Variants in MCTP1 observed in about 807,000 individuals in gnomAD.
MCTP1 encodes the protein multiple C2 and transmembrane domain containing 1, also known as multiple C2 and transmembrane domain-containing protein 1.
Under a neutral mutation model 120.6 loss-of-function variants are expected in MCTP1, and 69 were observed. The observed-to-expected ratio is 0.57, with a 90% CI of 0.47 to 0.70. MCTP1 has a LOEUF of 0.70. MCTP1 is among the 30% of genes least tolerant of loss of function. The pLI, the probability that MCTP1 is intolerant of heterozygous loss-of-function variation, is 0.00. For synonymous variants in MCTP1, 529 were observed against 493.1 expected (o/e 1.07, Z -0.96); for missense variants, 1,203 against 1,248.8 (o/e 0.96, Z 0.55).
Position 95,258,019 on chromosome 5 carries a change from T to C in MCTP1, c.720+25837A>G, listed in dbSNP as rs184315607. 8.5e-4 allele frequency among the ~76,000 whole-genome samples: 130 copies of C among 152,304 alleles called. 1 individual carries two copies. The highest frequency in any genetic ancestry group is 6.8e-3 in the Middle Eastern group (2 of 294). On this transcript the variant is annotated intron_variant, in intron 1 of 22. Transcript: ENST00000515393. ...TAAATAATGGGAGAGAATAGACAAC[T>C]CTGTGCTGAATTCCAAATAATTTAT...
chr5:95,263,316 A>G (rs557065938), intron 1 of MCTP1, among the ~76,000 whole-genome samples: 6 of 152,316 alleles, frequency 3.9e-5, no homozygotes, highest in African/African-American at 1.4e-4. Flanking sequence ...ACCCAGAGCC[A>G]TTCTTCAGCC....
At chr5:95,189,150 T>C (rs1489780065) in intron 1 of MCTP1, among the ~76,000 whole-genome samples, 1 of 152,116 alleles carries the variant, frequency 6.6e-6, no homozygotes, top group Non-Finnish European at 1.5e-5. Context: ...AATGAACAAA[T>C]TGTTCATACA....
At chr5:94,885,315 A>C (rs561980491) in intron 12 of MCTP1, among the ~76,000 whole-genome samples, 180 of 151,658 alleles carry the variant, frequency 1.2e-3, no homozygotes, top group African/African-American at 4.3e-3. Context: ...AAAAAAAAAA[A>C]CAGAGAGAAA....
intron 17 of MCTP1, chr5:94,867,271 A>G (rs753442448): frequency 3.7e-5 from 56 of 1,523,592 alleles, no homozygotes; most frequent in Non-Finnish European, 4.8e-5. Context: ...GGGAGACAAC[A>G]ACACGTCTAT....
At chr5:95,252,184 C>T (rs1323556097) in intron 1 of MCTP1, among the ~76,000 whole-genome samples, 1 of 152,050 alleles carries the variant, frequency 6.6e-6, no homozygotes, top group Non-Finnish European at 1.5e-5. Flanking sequence ...CACAGTTCAT[C>T]CTAAATTAGC....
At chr5:94,790,084 A>T (rs548194189) in intron 18 of MCTP1, among the ~76,000 whole-genome samples, 2 of 152,138 alleles carry the variant, frequency 1.3e-5, no homozygotes, top group African/African-American at 4.8e-5. Context: ...TGTGATTTTT[A>T]TTGTTATGAT....
At chr5:95,266,849 C>T (rs547018577) in intron 1 of MCTP1, among the ~76,000 whole-genome samples, 2 of 152,174 alleles carry the variant, frequency 1.3e-5, no homozygotes, top group African/African-American at 4.8e-5. Flanking sequence ...ATACCCTGAG[C>T]GTTCTCAGAA....
At chr5:95,177,102 G>A (rs955041532) in intron 1 of MCTP1, among the ~76,000 whole-genome samples, 19 of 151,206 alleles carry the variant, frequency 1.3e-4, no homozygotes, top group African/African-American at 2.4e-4. Context: ...AGGGTTATCC[G>A]GAGAAACAGA....
At chr5:95,187,114 G>T (rs1389201022) in intron 1 of MCTP1, among the ~76,000 whole-genome samples, 1 of 152,176 alleles carries the variant, frequency 6.6e-6, no homozygotes, top group African/African-American at 2.4e-5. Flanking sequence ...ATACCCAAAA[G>T]AAAGGAAAGC....
intron 2 of MCTP1, among the ~76,000 whole-genome samples, chr5:95,007,005 T>C (rs1834895395): frequency 6.6e-6 from 1 of 152,084 alleles, no homozygotes; most frequent in Admixed American, 6.6e-5. Flanking sequence ...AGGTAATTTA[T>C]AAAGGAAAGA....
intron 1 of MCTP1, among the ~76,000 whole-genome samples, chr5:95,163,073 T>C (rs769885014): frequency 1.1e-4 from 16 of 152,360 alleles, no homozygotes; most frequent in Non-Finnish European, 1.9e-4. Context: ...ATTTGTCTTC[T>C]TTGTATATGA....
chr5:94,824,386 G>A (rs1416582707), intron 17 of MCTP1, among the ~76,000 whole-genome samples: 1 of 152,198 alleles, frequency 6.6e-6, no homozygotes, highest in Non-Finnish European at 1.5e-5. Context: ...GCATCCCAGG[G>A]ATGAAGCTGA....
At chr5:95,023,708 T>C (rs1398270479) in intron 1 of MCTP1, among the ~76,000 whole-genome samples, 1 of 152,202 alleles carries the variant, frequency 6.6e-6, no homozygotes. Context: ...GAAATAAATG[T>C]GTATTTCTTT....
intron 17 of MCTP1, among the ~76,000 whole-genome samples, chr5:94,866,475 T>C (rs1796820636): frequency 6.6e-6 from 1 of 151,758 alleles, no homozygotes; most frequent in South Asian, 2.1e-4. Flanking sequence ...TTTCACATTG[T>C]AGTTTGTGTT....
In MCTP1 at chr5:95,024,382, ATGAAAAGCATT is replaced by A. The variant is rs556988951; in HGVS notation, c.721-6909_721-6899del. ...ACCACCTTATAATCTCAATGGATAT[ATGAAAAGCATT>A]TGACAAAATTCAACATTCTTTTGTG... is the stretch of plus-strand genomic sequence containing the variant. On this transcript the variant is annotated intron_variant, in intron 1 of 22. Transcript: ENST00000515393. 5.3e-5 allele frequency among the ~76,000 whole-genome samples: 8 copies of A among 152,316 alleles called. No individual in the cohort carries two copies. In the South Asian group the frequency reaches 1.7e-3, roughly 32 times the overall value.
In MCTP1 at chr5:95,137,017, A is replaced by G. The variant is rs374718941; in HGVS notation, c.721-119533T>C. Reference sequence around the variant, plus strand: ...GACAGCCTAGGTTTAAAACCTCAACAATGAAAAGAATTACTAAGGTATTTC... The same window carrying G: ...GACAGCCTAGGTTTAAAACCTCAACGATGAAAAGAATTACTAAGGTATTTC... On this transcript the variant is annotated intron_variant, in intron 1 of 22. Transcript: ENST00000515393. 4.6e-5 allele frequency among the ~76,000 whole-genome samples: 7 copies of G among 152,230 alleles called. 1 individual carries two copies. The highest frequency in any genetic ancestry group is 1.3e-4 in the Admixed American group (2 of 15,288).
At chr5:94,979,670 C>T (rs1450086799) in intron 2 of MCTP1, 1 of 152,022 alleles carries the variant, frequency 6.6e-6, no homozygotes, top group Non-Finnish European at 1.5e-5. Context: ...TCTTACTCTA[C>T]TCTGTCAACC....
At chr5:94,950,870 T>C (rs1820354475) in intron 3 of MCTP1, among the ~76,000 whole-genome samples, 1 of 148,576 alleles carries the variant, frequency 6.7e-6, no homozygotes, top group Non-Finnish European at 1.5e-5. Context: ...AGGCGTGAAC[T>C]CAGGAGGCGG....
At chr5:95,195,257 G>A (rs1347932460) in intron 1 of MCTP1, among the ~76,000 whole-genome samples, 1 of 152,196 alleles carries the variant, frequency 6.6e-6, no homozygotes, top group African/African-American at 2.4e-5. Context: ...TTTTTCCCCC[G>A]TGGCAACTTG....
Sources: gnomAD v4.1 joint callset for allele counts (sites outside exome capture counted in the v4.1 genomes callset) on GRCh38, gnomAD v4.1.1 for gene constraint, MANE v1.5 for transcripts, NCBI Gene and HGNC (gene_info 2026-07-23, HGNC 2026-07-21) for gene names.